Variants in EPHA3 observed in about 807,000 individuals in gnomAD.
EPHA3 encodes EPH receptor A3, also known as ephrin type-A receptor 3.
In EPHA3, 42 loss-of-function variants were observed where a neutral mutation model predicts 107.1. The observed-to-expected ratio is 0.39, with a 90% CI of 0.31 to 0.51. EPHA3 has a LOEUF of 0.51. EPHA3 is among the 20% of genes least tolerant of loss of function. EPHA3 has a pLI of 0.78. For synonymous variants in EPHA3, 461 were observed against 424.8 expected (o/e 1.09, Z -1.05); for missense variants, 1,183 against 1,211.2 (o/e 0.98, Z 0.35).
At chr3:89,341,167 T>A in intron 4 of EPHA3, 96 bp downstream of exon 4, 2 of 1,316,522 alleles carry the variant, frequency 1.5e-6, no homozygotes, top group Non-Finnish European at 2.1e-6. Context: ...TTGGCCCATT[T>A]CCTTCTGTTG....
chr3:89,476,992 A>G (rs1181587500), intron 16 of EPHA3, among the ~76,000 whole-genome samples: 1 of 152,148 alleles, frequency 6.6e-6, no homozygotes, highest in Non-Finnish European at 1.5e-5. Flanking sequence ...AAGAAAAAAG[A>G]AAGAGTGAGA....
chr3:89,161,802 C>A (rs1206027579), intron 2 of EPHA3, among the ~76,000 whole-genome samples: 1 of 151,702 alleles, frequency 6.6e-6, no homozygotes, highest in Non-Finnish European at 1.5e-5. Context: ...CATGGTGAAA[C>A]CCTGTCTCTA....
chr3:89,290,064 A>G (rs1035678085), intron 3 of EPHA3, among the ~76,000 whole-genome samples: 3 of 152,088 alleles, frequency 2.0e-5, no homozygotes, highest in Admixed American at 6.6e-5. Flanking sequence ...ATGTCAAATA[A>G]TACAAACTGT....
chr3:89,394,059 T>C, intron 5 of EPHA3, among the ~76,000 whole-genome samples: 1 of 152,310 alleles, frequency 6.6e-6, no homozygotes, highest in South Asian at 2.1e-4. Flanking sequence ...AAAAAGTTGG[T>C]AAGAAAATGA....
intron 2 of EPHA3, among the ~76,000 whole-genome samples, chr3:89,138,646 G>T (rs1704364868): frequency 6.6e-6 from 1 of 151,738 alleles, no homozygotes; most frequent in Non-Finnish European, 1.5e-5. Context: ...TGTAATTGAA[G>T]AACAAATAGG....
intron 1 of EPHA3, among the ~76,000 whole-genome samples, chr3:89,111,130 A>G (rs992906589): frequency 5.9e-5 from 9 of 152,062 alleles, no homozygotes; most frequent in African/African-American, 2.2e-4. Flanking sequence ...GCATTTCCCT[A>G]AATATAAATA....
intron 3 of EPHA3, among the ~76,000 whole-genome samples, chr3:89,326,257 G>T (rs1484441110): frequency 5.3e-5 from 8 of 152,008 alleles, no homozygotes; most frequent in African/African-American, 9.7e-5. Flanking sequence ...ATAGCCTATT[G>T]CATGCTTCCA....
At chr3:89,320,985 G>A (rs1280590914) in intron 3 of EPHA3, among the ~76,000 whole-genome samples, 1 of 151,944 alleles carries the variant, frequency 6.6e-6, no homozygotes, top group Non-Finnish European at 1.5e-5. Context: ...GATGGGCTAT[G>A]TATATTTTAT....
intron 3 of EPHA3, among the ~76,000 whole-genome samples, chr3:89,248,582 A>G (rs1282893797): frequency 6.6e-6 from 1 of 152,236 alleles, no homozygotes; most frequent in Non-Finnish European, 1.5e-5. Context: ...AACTGGCATA[A>G]ACACTGTATA....
chr3:89,220,166 G>A (rs1256583933), intron 3 of EPHA3, among the ~76,000 whole-genome samples: 2 of 152,158 alleles, frequency 1.3e-5, no homozygotes, highest in Non-Finnish European at 2.9e-5. Context: ...TGGAAGGGTT[G>A]AGAAACTCTG....
intron 12 of EPHA3, among the ~76,000 whole-genome samples, chr3:89,430,870 GT>G (rs1302442161): frequency 6.6e-6 from 1 of 152,074 alleles, no homozygotes; most frequent in Non-Finnish European, 1.5e-5. Flanking sequence ...GCAGGAGTTA[GT>G]TTTTTTGTCA....
chr3:89,358,639 C>T (rs1277966221), intron 5 of EPHA3, among the ~76,000 whole-genome samples: 1 of 151,072 alleles, frequency 6.6e-6, no homozygotes, highest in Non-Finnish European at 1.5e-5. Flanking sequence ...GCATCAACAG[C>T]TCAATGAAGC....
Position 89,210,249 on chromosome 3 carries a change from G to A in EPHA3, c.543G>A (p.Leu181=), listed in dbSNP as rs776580836. The A allele has an allele frequency of 6.2e-7, 1 of 1,613,990 alleles. No homozygotes were observed. Among genetic ancestry groups the A allele is most frequent in the Non-Finnish European group, 8.5e-7 (1 of 1,179,930 alleles). ...VGPVNKKGFY[L]AFQDVGACVA... ...CTGTCAACAAGAAGGGATTTTATTT[G>A]GCATTTCAAGATGTTGGTGCTTGTG... Residue 181 remains leucine, a synonymous_variant, in exon 3 of 17, where the codon TTG becomes TTA. Transcript: ENST00000336596.
chr3:89,368,162 G>T (rs1225679763), intron 5 of EPHA3, among the ~76,000 whole-genome samples: 1 of 150,420 alleles, frequency 6.6e-6, no homozygotes, highest in Non-Finnish European at 1.5e-5. Flanking sequence ...ACTAAAGTGT[G>T]TGCTGTTGGT....
chr3:89,363,689 T>A (rs1708138816), intron 5 of EPHA3, among the ~76,000 whole-genome samples: 1 of 150,918 alleles, frequency 6.6e-6, no homozygotes, highest in Non-Finnish European at 1.5e-5. Flanking sequence ...TGCGTGTGTG[T>A]GTGTGTGTGC....
chr3:89,238,365 A>G (rs936970314), intron 3 of EPHA3, among the ~76,000 whole-genome samples: 1 of 152,178 alleles, frequency 6.6e-6, no homozygotes, highest in African/African-American at 2.4e-5. Context: ...TTGGAGACTT[A>G]AAAAATTTTA....
chr3:89,478,375 G>T (rs1710558693), intron 16 of EPHA3, among the ~76,000 whole-genome samples: 1 of 152,206 alleles, frequency 6.6e-6, no homozygotes, highest in Non-Finnish European at 1.5e-5. Context: ...TCATAGTGTT[G>T]TGGGTTATAA....
intron 13 of EPHA3, among the ~76,000 whole-genome samples, chr3:89,440,137 A>T (rs1326170597): frequency 6.6e-6 from 1 of 152,114 alleles, no homozygotes; most frequent in African/African-American, 2.4e-5. Context: ...TTCCTTTGGG[A>T]GCCTTCTTGG....
intron 15 of EPHA3, among the ~76,000 whole-genome samples, chr3:89,469,770 A>C (rs1322430394): frequency 6.6e-6 from 1 of 152,134 alleles, no homozygotes; most frequent in African/African-American, 2.4e-5. Context: ...ATTTCATGCT[A>C]TTTCTAAAGA....
Sources: gnomAD v4.1 joint callset for allele counts (sites outside exome capture counted in the v4.1 genomes callset) on GRCh38, gnomAD v4.1.1 for gene constraint, MANE v1.5 for transcripts, NCBI Gene and HGNC (gene_info 2026-07-23, HGNC 2026-07-21) for gene names.